NBAS: variants seen among roughly 807,000 people sequenced by gnomAD.
The protein encoded by NBAS is NAG/BC035112 fusion.
A neutral mutation model predicts 302.5 loss-of-function variants in NBAS; 219 were observed. The observed-to-expected ratio is 0.72, with a 90% CI of 0.65 to 0.81. NBAS has a LOEUF of 0.81. Among genes scored for constraint, NBAS ranks in the 30% least tolerant of loss-of-function variants. The pLI is 0.00. For synonymous variants in NBAS, 1,118 were observed against 1,021.6 expected, an observed-to-expected ratio of 1.09 and a Z score of -1.80; for missense variants, 2,932 against 2,841.6, an observed-to-expected ratio of 1.03 and a Z score of -0.72.
intron 6 of NBAS, among the ~76,000 whole-genome samples, chr2:15,543,812 GAC>G (rs1663971632): frequency 6.6e-6 from 1 of 152,212 alleles, no homozygotes; most frequent in African/African-American, 2.4e-5. Context: ...TTTGGGTGGG[GAC>G]ACAGAGCCAA....
chr2:15,401,333 C>G (rs145384192), intron 26 of NBAS, among the ~76,000 whole-genome samples: 3 of 151,184 alleles, frequency 2.0e-5, no homozygotes, highest in South Asian at 4.2e-4. Flanking sequence ...GCCCCCCCTC[C>G]CAAAATAAAA....
At chr2:15,092,903 A>G in the NBAS span, among the ~76,000 whole-genome samples, 1 of 152,196 alleles carries the variant, frequency 6.6e-6, no homozygotes, top group Admixed American at 6.5e-5. Context: ...TGGAAGAAGA[A>G]GCAAGACAAA....
chr2:14,854,099 A>G, the NBAS span, among the ~76,000 whole-genome samples: 124 of 151,472 alleles, frequency 8.2e-4, no homozygotes, highest in African/African-American at 2.7e-3. Context: ...AATAAAAAAA[A>G]GAAGAAAATT....
chr2:15,042,890 G>A, the NBAS span, among the ~76,000 whole-genome samples: 4 of 152,172 alleles, frequency 2.6e-5, no homozygotes, highest in South Asian at 2.1e-4. Flanking sequence ...TTCAGACTTC[G>A]GTCTGATGCA....
At chr2:14,849,564 C>G in the NBAS span, among the ~76,000 whole-genome samples, 3 of 150,408 alleles carry the variant, frequency 2.0e-5, no homozygotes, top group Middle Eastern at 3.4e-3. Flanking sequence ...CGTTCAGATT[C>G]AGGAAATACA....
the NBAS span, among the ~76,000 whole-genome samples, chr2:14,980,308 T>C: frequency 6.6e-5 from 10 of 152,000 alleles, no homozygotes; most frequent in African/African-American, 9.7e-5. Context: ...AGTTGGTCCT[T>C]GGAAGGAACT....
chr2:15,400,263 G>A (rs568261593), intron 26 of NBAS, among the ~76,000 whole-genome samples: 2 of 151,514 alleles, frequency 1.3e-5, no homozygotes, highest in African/African-American at 4.8e-5. Flanking sequence ...GAAAGGAATA[G>A]AGAGATCATT....
chr2:15,026,984 C>A, the NBAS span, among the ~76,000 whole-genome samples: 1 of 152,038 alleles, frequency 6.6e-6, no homozygotes, highest in African/African-American at 2.4e-5. Flanking sequence ...TAAACTAATT[C>A]TATATTCACT....
chr2:15,145,439 A>C, the NBAS span, among the ~76,000 whole-genome samples: 1 of 148,244 alleles, frequency 6.7e-6, no homozygotes, highest in African/African-American at 2.5e-5. Flanking sequence ...GTGTGTCTTC[A>C]TGCCTAGTGT....
chr2:15,265,320 C>T (rs1291477771), intron 44 of NBAS, among the ~76,000 whole-genome samples: 1 of 152,142 alleles, frequency 6.6e-6, no homozygotes, highest in Non-Finnish European at 1.5e-5. Context: ...GCTTGTTGAA[C>T]TTTGGCCAAT....
At chr2:14,869,671 A>T in the NBAS span, among the ~76,000 whole-genome samples, 1 of 152,072 alleles carries the variant, frequency 6.6e-6, no homozygotes, top group Admixed American at 6.6e-5. Flanking sequence ...AATGGGTGGG[A>T]TGACCAAAGT....
the NBAS span, among the ~76,000 whole-genome samples, chr2:14,896,379 T>C: frequency 6.6e-6 from 1 of 152,212 alleles, no homozygotes; most frequent in Non-Finnish European, 1.5e-5. Flanking sequence ...ATTGACTGCT[T>C]GAAATTTAAG....
intron 28 of NBAS, among the ~76,000 whole-genome samples, chr2:15,385,751 C>T (rs6718736): frequency 0.63 from 95,220 of 151,992 alleles, 30,575 homozygotes; most frequent in Middle Eastern, 0.68. Context: ...CATGGAAATA[C>T]GCATAAAATA....
At chr2:15,055,753 G>A in the NBAS span, among the ~76,000 whole-genome samples, 7 of 152,228 alleles carry the variant, frequency 4.6e-5, no homozygotes, top group Admixed American at 6.5e-5. Context: ...GGCAATGGGA[G>A]TCGGGTTTCT....
chr2:15,081,094 A>G, the NBAS span, among the ~76,000 whole-genome samples: 1 of 152,230 alleles, frequency 6.6e-6, no homozygotes, highest in South Asian at 2.1e-4. Flanking sequence ...ACATATGCCC[A>G]AGATCCCTCA....
chr2:15,275,677 C>T lies in NBAS; in HGVS notation c.5531G>A (p.Ser1844Asn), dbSNP rs1189888563. 6.2e-7 allele frequency: 1 copy of T among 1,614,074 alleles called. No homozygotes were observed. Among genetic ancestry groups the T allele is most frequent in the African/African-American group, 1.3e-5 (1 of 74,926 alleles). The change falls in exon 44 of 52, where the codon AGC becomes AAC. Residue 1844 changes from serine to asparagine, a missense_variant. Coordinates refer to ENST00000281513, the MANE Select transcript of NBAS (RefSeq NM_015909.4). ...CTGTAACCAGATGGTGTACAGAGAGCTTGGGGAAAGCATCTGTCCATCCTT... is the reference window on the plus strand; with the variant it reads ...CTGTAACCAGATGGTGTACAGAGAGTTTGGGGAAAGCATCTGTCCATCCTT... ...PEKDGQMLSP[S>N]SLYTIWLQKL...
chr2:15,484,594 G>C (rs147826774), intron 12 of NBAS, among the ~76,000 whole-genome samples: 2 of 152,216 alleles, frequency 1.3e-5, no homozygotes, highest in East Asian at 3.9e-4. Context: ...TGAAAACTAT[G>C]CTCTGTAAAT....
chr2:15,218,065 G>C (rs1274515601), intron 48 of NBAS, among the ~76,000 whole-genome samples: 1 of 152,108 alleles, frequency 6.6e-6, no homozygotes, highest in African/African-American at 2.4e-5. Flanking sequence ...TAAGTATAGG[G>C]AGAAGGGACA....
intron 4 of NBAS, 150 bp from the exon 5 acceptor site, chr2:15,553,623 G>T (rs1664484964): frequency 1.3e-6 from 1 of 751,278 alleles, no homozygotes; most frequent in Non-Finnish European, 2.3e-6. Context: ...ACAATTAGAT[G>T]AGGATACAGG....
Sources: gnomAD v4.1 joint callset for allele counts (sites outside exome capture counted in the v4.1 genomes callset) on GRCh38, gnomAD v4.1.1 for gene constraint, MANE v1.5 for transcripts, NCBI Gene and HGNC (gene_info 2026-07-23, HGNC 2026-07-21) for gene names.